SKIL: variants seen among roughly 807,000 people sequenced by gnomAD.
The protein encoded by SKIL is SKI like proto-oncogene.
Under a neutral mutation model 69.6 loss-of-function variants are expected in SKIL, and 20 were observed. The ratio of observed to expected loss-of-function variants is 0.29; its 90% confidence interval spans 0.20 to 0.42. SKIL has a LOEUF of 0.42. SKIL is among the 10% of genes least tolerant of loss of function. The pLI, the probability that SKIL is intolerant of heterozygous loss-of-function variation, is 1.00. For missense variants in SKIL, 745 were observed against 783.1 expected (o/e 0.95, Z 0.58); for synonymous variants, 310 against 279.9 (o/e 1.11, Z -1.08).
chr3:170,388,884 T>TTATTTATTTATTTATTTATG (rs375843473), intron 4 of SKIL, among the ~76,000 whole-genome samples: 25 of 144,608 alleles, frequency 1.7e-4, no homozygotes, highest in African/African-American at 6.0e-4. Flanking sequence ...ATTTATTTAT[T>TTATTTATTTATTTATTTATG]TTTGAGACAG....
At chr3:170,358,207 CG>C (rs1178076306) in intron 1 of SKIL, among the ~76,000 whole-genome samples, 10 of 152,146 alleles carry the variant, frequency 6.6e-5, no homozygotes, top group South Asian at 2.1e-4. Flanking sequence ...CGTTCTGGCC[CG>C]GGGCTGGCGC....
intron 2 of SKIL, among the ~76,000 whole-genome samples, chr3:170,365,751 G>GTTTTT (rs1560207824): frequency 6.5e-5 from 6 of 92,436 alleles, no homozygotes; most frequent in Non-Finnish European, 1.1e-4. Context: ...GTCAAACTAG[G>GTTTTT]CTTTTTTTTT....
intron 2 of SKIL, among the ~76,000 whole-genome samples, chr3:170,368,934 C>CA (rs1736667571): frequency 6.6e-6 from 1 of 152,066 alleles, no homozygotes; most frequent in Non-Finnish European, 1.5e-5. Flanking sequence ...TGATGGAGAC[C>CA]AATACAGACC....
intron 2 of SKIL, among the ~76,000 whole-genome samples, chr3:170,369,602 A>G (rs997994341): frequency 2.6e-5 from 4 of 152,088 alleles, no homozygotes; most frequent in African/African-American, 7.2e-5. Flanking sequence ...TGGTTTCACC[A>G]TATTGGTCAG....
chr3:170,379,065 C>T (rs1172985494), intron 2 of SKIL, among the ~76,000 whole-genome samples: 2 of 151,606 alleles, frequency 1.3e-5, no homozygotes, highest in East Asian at 1.9e-4. Context: ...TTAGTAGAGA[C>T]TGGGTTTCGC....
In SKIL at chr3:170,380,341, A is replaced by G. The variant is rs540414710; in HGVS notation, c.1099-903A>G. Among the ~76,000 whole-genome samples the G allele has an allele frequency of 2.6e-5, 4 of 152,272 alleles. No individual in the cohort carries two copies. In the South Asian group the frequency reaches 8.3e-4, roughly 32 times the overall value. On this transcript the variant is annotated intron_variant, in intron 2 of 6. Transcript: ENST00000259119. ...CAGTGCTATACCTTTATAGAGTTCTATTATTTAAAATGGATTTCTGGCCAG... is the reference window on the plus strand; with the variant it reads ...CAGTGCTATACCTTTATAGAGTTCTGTTATTTAAAATGGATTTCTGGCCAG...
At chr3:170,368,569 C>G (rs1736652581) in intron 2 of SKIL, among the ~76,000 whole-genome samples, 1 of 152,030 alleles carries the variant, frequency 6.6e-6, no homozygotes, top group Non-Finnish European at 1.5e-5. Context: ...AAGTTAAGAG[C>G]CTTTACTGCA....
rs114062014 is a variant in SKIL at position 170,392,544 on chromosome 3, T to G, written c.*127T>G. 1,718 of 532,902 alleles carry G rather than the reference T, an allele frequency of 3.2e-3. 26 individuals carry two copies. Among genetic ancestry groups the G allele is most frequent in the African/African-American group, 0.03 (1,516 of 51,130 alleles). 33.0% of individuals were successfully genotyped at this position (532,902 alleles called of 1,614,324 possible). A position where few individuals can be genotyped will look rare whatever the true frequency, so the allele number is the denominator to read the frequency against. On this transcript the variant is annotated 3_prime_UTR_variant, in exon 7 of 7. Transcript: ENST00000259119. ...ACTAGGCATTCTATCCATTTGTAGA[T>G]CAGAGAAAGTGAAGAGATTATATAT...
At chr3:170,376,962 C>T (rs1337758026) in intron 2 of SKIL, among the ~76,000 whole-genome samples, 2 of 152,130 alleles carry the variant, frequency 1.3e-5, no homozygotes, top group Admixed American at 6.5e-5. Flanking sequence ...TTATTTGCCC[C>T]GGTCTATGCT....
intron 2 of SKIL, 147 bp from the exon 3 acceptor site, chr3:170,381,097 G>GAA (rs2108214203): frequency 3.6e-6 from 2 of 556,532 alleles, no homozygotes; most frequent in East Asian, 5.9e-5. Flanking sequence ...AAAGTGCTGG[G>GAA]AATACAGGTG....
chr3:170,366,869 T>A (rs925687615), intron 2 of SKIL, among the ~76,000 whole-genome samples: 1 of 152,160 alleles, frequency 6.6e-6, no homozygotes, highest in Non-Finnish European at 1.5e-5. Context: ...CTTTTTCACA[T>A]CTTCAGTGGA....
At chr3:170,372,281 C>T (rs1424751463) in intron 2 of SKIL, among the ~76,000 whole-genome samples, 1 of 152,126 alleles carries the variant, frequency 6.6e-6, no homozygotes, top group Non-Finnish European at 1.5e-5. Context: ...GAACTCGAGC[C>T]TTTGCATTTT....
rs1336885690 is a variant in SKIL at position 170,387,865 on chromosome 3, C to T, written c.1430-2358C>T. On this transcript the variant is annotated intron_variant, in intron 4 of 6. Coordinates refer to ENST00000259119, the MANE Select transcript of SKIL (RefSeq NM_005414.5). ...AGGAGAATGGCGTGAACCCGGGAGG[C>T]GGAGCTTGCAGTGAGCCGAGATCCC... Among the ~76,000 whole-genome samples, 6 of 115,416 alleles carry T rather than the reference C, an allele frequency of 5.2e-5. No individual in the cohort carries two copies. In the East Asian group the frequency reaches 8.6e-4, roughly 17 times the overall value. 75.7% of individuals were successfully genotyped at this position (115,416 alleles called of 152,430 possible).
intron 2 of SKIL, among the ~76,000 whole-genome samples, chr3:170,373,686 T>C (rs1176701366): frequency 6.6e-6 from 1 of 152,106 alleles, no homozygotes; most frequent in African/African-American, 2.4e-5. Context: ...GAAAATAAGT[T>C]CCAGCTTGGG....
rs1560223329 is a variant in SKIL, at chr3:170,392,365, T to C, written c.2003T>C (p.Ile668Thr). 3 of 1,612,258 alleles carry C rather than the reference T, an allele frequency of 1.9e-6. No homozygotes were observed. The Admixed American group carries it at 5.0e-5, about 27-fold the overall frequency. The part of the protein sequence containing the change: ...REARQKLEMM[I>T]KELKLQILKS... ...GCAAGACAGAAGTTAGAGATGATGA[T>C]AAAAGAGCTAAAGCTGCAAATTCTG... The change falls in exon 7 of 7, where the codon ATA (isoleucine) becomes ACA (threonine). Residue 668 changes from isoleucine to threonine, a missense_variant. Coordinates refer to ENST00000259119, the MANE Select transcript of SKIL (RefSeq NM_005414.5).
At chr3:170,390,912 C>A in intron 5 of SKIL, 124 bp from the exon 6 acceptor site, 2 of 559,874 alleles carry the variant, frequency 3.6e-6, no homozygotes, top group Non-Finnish European at 6.4e-6. Flanking sequence ...AAATAATTAC[C>A]TCTATATAGA....
intron 2 of SKIL, among the ~76,000 whole-genome samples, chr3:170,376,641 T>C (rs1737048985): frequency 6.6e-6 from 1 of 152,082 alleles, no homozygotes; most frequent in Non-Finnish European, 1.5e-5. Flanking sequence ...CATGGAGCAA[T>C]CTCAGCTCAC....
At chr3:170,391,304 A>G in intron 6 of SKIL, 44 bp downstream of exon 6, 1 of 1,124,306 alleles carries the variant, frequency 8.9e-7, no homozygotes, top group Non-Finnish European at 1.3e-6. Flanking sequence ...CAGCATGGAA[A>G]TGGAAACTGT....
intron 4 of SKIL, among the ~76,000 whole-genome samples, chr3:170,386,868 CTTAAA>C (rs1737657073): frequency 1.3e-5 from 2 of 152,112 alleles, no homozygotes; most frequent in Non-Finnish European, 2.9e-5. Context: ...TATTTTATTT[CTTAAA>C]TTAATTCTAA....
Sources: gnomAD v4.1 joint callset for allele counts (sites outside exome capture counted in the v4.1 genomes callset) on GRCh38, gnomAD v4.1.1 for gene constraint, MANE v1.5 for transcripts, NCBI Gene and HGNC (gene_info 2026-07-23, HGNC 2026-07-21) for gene names.